Variants in MAP2K2 observed in about 807,000 individuals in gnomAD.
MAP2K2 encodes the protein mitogen-activated protein kinase kinase 2.
In MAP2K2, 24 loss-of-function variants were observed where a neutral mutation model predicts 43.7. The observed-to-expected ratio is 0.55, with a 90% confidence interval of 0.40 to 0.77. MAP2K2 has a LOEUF of 0.77. MAP2K2 is among the 30% of genes least tolerant of loss of function. The pLI, the probability that MAP2K2 is intolerant of heterozygous loss-of-function variation, is 0.00. For synonymous variants in MAP2K2, 244 were observed against 239.7 expected, an observed-to-expected ratio of 1.02 and a Z score of -0.17; for missense variants, 470 against 566.8, an observed-to-expected ratio of 0.83 and a Z score of 1.73.
intron 2 of MAP2K2, among the ~76,000 whole-genome samples, chr19:4,111,656 C>G (rs1003327299): frequency 3.9e-5 from 6 of 152,202 alleles, no homozygotes; most frequent in Admixed American, 3.3e-4. Context: ...AAGATCCGCT[C>G]AAGAGATGCA....
intron 1 of MAP2K2, among the ~76,000 whole-genome samples, chr19:4,122,916 C>T (rs1450158073): frequency 1.3e-5 from 2 of 151,612 alleles, no homozygotes; most frequent in African/African-American, 4.9e-5. Context: ...TACCCCATCT[C>T]AGTCTCATTA....
At chr19:4,099,705 G>T (rs1371060648) in intron 6 of MAP2K2, 1 of 472,412 alleles carries the variant, frequency 2.1e-6, no homozygotes, top group South Asian at 3.0e-5. Context: ...AGGAAGCAGG[G>T]GCCTCCTCCT....
chr19:4,098,262 C>T (rs1397641360), intron 7 of MAP2K2, among the ~76,000 whole-genome samples: 1 of 152,134 alleles, frequency 6.6e-6, no homozygotes, highest in Non-Finnish European at 1.5e-5. Flanking sequence ...CAGGCCAGTC[C>T]AGAGGCAGGA....
Position 4,123,890 on chromosome 19 carries a change from CCGGCGGCGG to C in MAP2K2, c.-24_-16del, listed in dbSNP as rs397517411. The C allele has an allele frequency of 1.4e-6, 2 of 1,404,856 alleles. No individual in the cohort carries two copies. Among genetic ancestry groups the C allele is most frequent in the Non-Finnish European group, 9.3e-7 (1 of 1,072,632 alleles). 87.0% of individuals were successfully genotyped at this position (1,404,856 alleles called of 1,614,324 possible). A position where few individuals can be genotyped will look rare whatever the true frequency, so the allele number is the denominator to read the frequency against. On this transcript the variant is annotated 5_prime_UTR_variant, in exon 1 of 11. Coordinates refer to ENST00000262948, the MANE Select transcript of MAP2K2 (RefSeq NM_030662.4). The stretch of plus-strand genomic sequence containing the variant: ...CGGGCCAGCATCGGGGCTCCGCGGG[CCGGCGGCGG>C]CGGCGCCTCTAGCCGGGGCCCATAG...
chr19:4,092,357 G>A (rs1320526187), intron 10 of MAP2K2, among the ~76,000 whole-genome samples: 1 of 152,182 alleles, frequency 6.6e-6, no homozygotes, highest in Non-Finnish European at 1.5e-5. Flanking sequence ...TCAGCACTCT[G>A]GGAGACCTAG....
At chr19:4,106,523 C>T (rs1034541011) in intron 3 of MAP2K2, among the ~76,000 whole-genome samples, 6 of 152,186 alleles carry the variant, frequency 3.9e-5, no homozygotes, top group Non-Finnish European at 5.9e-5. Flanking sequence ...ATTCTCCTGC[C>T]TCAGCCTCCT....
At chr19:4,121,525 C>T (rs1419763921) in intron 1 of MAP2K2, among the ~76,000 whole-genome samples, 1 of 141,938 alleles carries the variant, frequency 7.0e-6, no homozygotes, top group South Asian at 2.4e-4. Flanking sequence ...AGAACCCCAA[C>T]ATGAGACCCC....
chr19:4,111,800 A>G (rs1055987777), intron 2 of MAP2K2, among the ~76,000 whole-genome samples: 21 of 152,078 alleles, frequency 1.4e-4, no homozygotes, highest in African/African-American at 4.8e-4. Flanking sequence ...CTAAAAATAC[A>G]AATTTAGCCG....
chr19:4,123,043 C>T, intron 1 of MAP2K2, among the ~76,000 whole-genome samples: 1 of 150,834 alleles, frequency 6.6e-6, no homozygotes, highest in South Asian at 2.1e-4. Flanking sequence ...TGCCCTGCAC[C>T]CCGATTTCCC....
chr19:4,094,625 G>C lies in MAP2K2; in HGVS notation c.1047-127C>G, dbSNP rs1381119203. On this transcript the variant is annotated intron_variant, in intron 9 of 10. Coordinates refer to ENST00000262948, the MANE Select transcript of MAP2K2 (RefSeq NM_030662.4). ...GGGCCTGGATCTCTCCGACCAGAGA[G>C]AGTGGCACAGAGTGGCTGCTCTGTT... is the stretch of plus-strand genomic sequence containing the variant. The C allele has an allele frequency of 7.4e-6, 6 of 815,874 alleles. No homozygotes were observed. In the African/African-American group the frequency reaches 1.0e-4, roughly 14 times the overall value. 50.5% of individuals were successfully genotyped at this position (815,874 alleles called of 1,614,324 possible).
At chr19:4,091,030 C>T (rs949809287) in intron 10 of MAP2K2, among the ~76,000 whole-genome samples, 5 of 152,192 alleles carry the variant, frequency 3.3e-5, no homozygotes, top group Non-Finnish European at 5.9e-5. Context: ...CTGTGGACAC[C>T]GGGGCCGGAT....
intron 1 of MAP2K2, 90 bp from the exon 2 acceptor site, chr19:4,117,719 A>AATCCAGTCTGTGTCCTCCTG: frequency 2.6e-6 from 3 of 1,156,860 alleles, no homozygotes; most frequent in Non-Finnish European, 2.6e-6. Flanking sequence ...GGCCCCCAGG[A>AATCCAGTCTGTGTCCTCCTG]GGACACAGAC....
intron 8 of MAP2K2, among the ~76,000 whole-genome samples, chr19:4,096,812 T>C (rs980788918): frequency 3.3e-5 from 5 of 151,992 alleles, no homozygotes; most frequent in Admixed American, 6.6e-5. Flanking sequence ...GGCACACACC[T>C]CCCTCTGGAC....
chr19:4,119,817 C>T (rs1358050094), intron 1 of MAP2K2, among the ~76,000 whole-genome samples: 1 of 152,206 alleles, frequency 6.6e-6, no homozygotes, highest in African/African-American at 2.4e-5. Flanking sequence ...GGTGGACAGC[C>T]AGAGAGGGGA....
chr19:4,090,584 G>T lies in MAP2K2; in HGVS notation c.*14C>A, dbSNP rs374728969. 9 of 1,546,168 alleles carry T rather than the reference G, an allele frequency of 5.8e-6. No individual in the cohort carries two copies. The Admixed American group carries it at 1.8e-4, about 30-fold the overall frequency. ...GGGCAGGTCACCAGCGGGACGCAGGGAGCCCGGCCACTGTCACACGGCGGT... is the reference window on the plus strand; with the variant it reads ...GGGCAGGTCACCAGCGGGACGCAGGTAGCCCGGCCACTGTCACACGGCGGT... On this transcript the variant is annotated 3_prime_UTR_variant, in exon 11 of 11. Transcript: ENST00000262948.
intron 1 of MAP2K2, among the ~76,000 whole-genome samples, chr19:4,123,153 C>G (rs1286089138): frequency 1.3e-5 from 2 of 151,936 alleles, no homozygotes; most frequent in South Asian, 4.2e-4. Context: ...TACTCAAGGA[C>G]CCCACACTGT....
intron 10 of MAP2K2, among the ~76,000 whole-genome samples, chr19:4,094,213 A>G (rs892671218): frequency 2.0e-5 from 3 of 152,142 alleles, no homozygotes; most frequent in Non-Finnish European, 4.4e-5. Context: ...CGGAGCTCAG[A>G]GCCCAGAGCT....
At chr19:4,122,634 GA>G (rs1398619139) in intron 1 of MAP2K2, among the ~76,000 whole-genome samples, 1 of 146,782 alleles carries the variant, frequency 6.8e-6, no homozygotes, top group East Asian at 2.1e-4. Context: ...TCTCTGCAAG[GA>G]CATCTCCTTG....
At position 4,110,496 on chromosome 19, in the gene MAP2K2, C is replaced by T. The variant is rs572847821; in HGVS notation, c.450+13G>A. ...GGAGGCCCTGCCCCTGCCCCTGCCC[C>T]GGACGCACTCACCATGTGTTCCATG... On this transcript the variant is annotated intron_variant, in intron 3 of 10. Transcript: ENST00000262948. 1.7e-5 allele frequency: 27 copies of T among 1,612,636 alleles called. No homozygotes were observed. The East Asian group carries it at 2.0e-4, about 12-fold the overall frequency.
Sources: gnomAD v4.1 joint callset for allele counts (sites outside exome capture counted in the v4.1 genomes callset) on GRCh38, gnomAD v4.1.1 for gene constraint, MANE v1.5 for transcripts, NCBI Gene and HGNC (gene_info 2026-07-23, HGNC 2026-07-21) for gene names.